Variants in POPDC2 observed in about 807,000 individuals in gnomAD.
POPDC2 encodes the protein popeye domain cAMP effector 2.
Under a neutral mutation model 30.5 loss-of-function variants are expected in POPDC2, and 24 were observed. The ratio of observed to expected loss-of-function variants is 0.79; its 90% CI spans 0.57 to 1.11. The LOEUF is 1.11. Among genes scored for constraint, POPDC2 ranks in the 50% least tolerant of loss-of-function variants. The pLI is 0.00. For synonymous variants in POPDC2, 185 were observed against 183.3 expected (o/e 1.01, Z -0.07); for missense variants, 409 against 447.0 (o/e 0.91, Z 0.77).
At chr3:119,652,242 T>C (rs1560097721) in intron 2 of POPDC2, among the ~76,000 whole-genome samples, 1 of 152,198 alleles carries the variant, frequency 6.6e-6, no homozygotes, top group African/African-American at 2.4e-5. Flanking sequence ...ACACAATGAA[T>C]TCTGACTTAA....
chr3:119,645,281 G>C (rs2052732475), intron 3 of POPDC2, among the ~76,000 whole-genome samples: 1 of 152,200 alleles, frequency 6.6e-6, no homozygotes, highest in South Asian at 2.1e-4. Context: ...CCGCACTGTA[G>C]GCCGGGCGCA....
intron 2 of POPDC2, among the ~76,000 whole-genome samples, chr3:119,649,843 T>TC (rs2052789652): frequency 6.6e-6 from 1 of 152,066 alleles, no homozygotes; most frequent in African/African-American, 2.4e-5. Flanking sequence ...GCTATACCCC[T>TC]CCCCCACGTC....
At chr3:119,645,326 C>T (rs994202171) in intron 3 of POPDC2, among the ~76,000 whole-genome samples, 3 of 152,148 alleles carry the variant, frequency 2.0e-5, no homozygotes, top group Admixed American at 1.3e-4. Flanking sequence ...ACTTTGGGAG[C>T]CCGAGGCGGG....
intron 2 of POPDC2, among the ~76,000 whole-genome samples, chr3:119,649,077 AT>A (rs1472142285): frequency 6.6e-6 from 1 of 152,222 alleles, no homozygotes; most frequent in Non-Finnish European, 1.5e-5. Flanking sequence ...ACAACTATTC[AT>A]TTTAAGAATG....
At chr3:119,652,150 A>G (rs1385874042) in intron 2 of POPDC2, among the ~76,000 whole-genome samples, 2 of 152,176 alleles carry the variant, frequency 1.3e-5, no homozygotes, top group Non-Finnish European at 2.9e-5. Flanking sequence ...GATAGGATGC[A>G]AATTAGAAAA....
At chr3:119,649,111 A>T (rs1321364931) in intron 2 of POPDC2, among the ~76,000 whole-genome samples, 5 of 152,224 alleles carry the variant, frequency 3.3e-5, no homozygotes, top group Non-Finnish European at 2.9e-5. Context: ...ATATTGGGGT[A>T]GGGACATAAA....
At chr3:119,644,995 ATTTGATCATGT>A (rs1452969446) in intron 3 of POPDC2, among the ~76,000 whole-genome samples, 2 of 152,236 alleles carry the variant, frequency 1.3e-5, no homozygotes, top group Admixed American at 6.5e-5. Context: ...AGTTTGGCTA[ATTTGATCATGT>A]TTTCAAGTTG....
intron 1 of POPDC2, among the ~76,000 whole-genome samples, chr3:119,658,497 C>T (rs764922639): frequency 2.0e-5 from 3 of 152,234 alleles, no homozygotes; most frequent in Non-Finnish European, 2.9e-5. Flanking sequence ...GGAGGGAGCA[C>T]TTCTGCTGCT....
rs760389171 is a variant in POPDC2 at position 119,642,511 on chromosome 3, C to G, written c.*94G>C. 4.3e-6 allele frequency: 7 copies of G among 1,612,918 alleles called. No individual in the cohort carries two copies. Among genetic ancestry groups the G allele is most frequent in the Non-Finnish European group, 5.9e-6 (7 of 1,179,092 alleles). On this transcript the variant is annotated 3_prime_UTR_variant, in exon 4 of 4. Transcript: ENST00000493094. ...GGCGTGTGGGTTGGAGCCAAAGGGGCCTGTCCCCTGGATATAACTTGAGAG... is the reference window on the plus strand; with the variant it reads ...GGCGTGTGGGTTGGAGCCAAAGGGGGCTGTCCCCTGGATATAACTTGAGAG...
intron 2 of POPDC2, among the ~76,000 whole-genome samples, chr3:119,652,364 T>A (rs941409988): frequency 2.6e-5 from 4 of 152,240 alleles, no homozygotes; most frequent in Admixed American, 6.5e-5. Flanking sequence ...GACTATGTAA[T>A]TGCAAAAGGC....
chr3:119,656,165 T>C (rs748735252), intron 1 of POPDC2, among the ~76,000 whole-genome samples: 1 of 152,208 alleles, frequency 6.6e-6, no homozygotes, highest in South Asian at 2.1e-4. Context: ...CAATTGGCTA[T>C]AGAGAAAATA....
intron 1 of POPDC2, among the ~76,000 whole-genome samples, chr3:119,657,702 G>A (rs1347622835): frequency 1.3e-5 from 2 of 152,218 alleles, no homozygotes; most frequent in African/African-American, 4.8e-5. Flanking sequence ...AGTGACAACC[G>A]TAGAGTGTAG....
At chr3:119,657,572 G>A (rs955049763) in intron 1 of POPDC2, among the ~76,000 whole-genome samples, 1 of 152,162 alleles carries the variant, frequency 6.6e-6, no homozygotes, top group Non-Finnish European at 1.5e-5. Context: ...CATAAAAGGG[G>A]ATCAAAACCT....
chr3:119,643,536 T>A (rs950348460), intron 3 of POPDC2: 1 of 927,586 alleles, frequency 1.1e-6, no homozygotes, highest in Non-Finnish European at 1.7e-6. Flanking sequence ...CACATTTAAC[T>A]AGTGCTTCAG....
At chr3:119,646,253 T>A (rs1020422160) in intron 3 of POPDC2, among the ~76,000 whole-genome samples, 1 of 151,892 alleles carries the variant, frequency 6.6e-6, no homozygotes, top group Non-Finnish European at 1.5e-5. Flanking sequence ...GAGAGATAAA[T>A]ATATGAACAA....
chr3:119,646,990 C>T (rs1195423932), intron 3 of POPDC2, among the ~76,000 whole-genome samples: 2 of 152,198 alleles, frequency 1.3e-5, no homozygotes, highest in Non-Finnish European at 2.9e-5. Flanking sequence ...GGAATTACCT[C>T]AGAATGAGCT....
chr3:119,644,414 T>C (rs1312173886), intron 3 of POPDC2, among the ~76,000 whole-genome samples: 1 of 152,200 alleles, frequency 6.6e-6, no homozygotes, highest in Non-Finnish European at 1.5e-5. Context: ...GGCCATCGAA[T>C]TAAACAGAAA....
Position 119,648,255 on chromosome 3 carries a change from C to G in POPDC2, c.1014G>C (p.Glu338Asp), listed in dbSNP as rs1384829835. 4 of 1,613,054 alleles carry G rather than the reference C, an allele frequency of 2.5e-6. No individual in the cohort carries two copies. Among genetic ancestry groups the G allele is most frequent in the Non-Finnish European group, 3.4e-6 (4 of 1,179,568 alleles). Reference sequence around the variant, plus strand: ...CCTCCAGCACCAGACTGGTGGAGTCCTCACCCAGTATGCCACTGTCTGGCC... The same window carrying G: ...CCTCCAGCACCAGACTGGTGGAGTCGTCACCCAGTATGCCACTGTCTGGCC... ...LSRPDSGILGEDSTSLVLEDF... is the reference protein window; with the variant it reads ...LSRPDSGILGDDSTSLVLEDF... The change falls in exon 3 of 4, where the codon GAG becomes GAC. Residue 338 changes from glutamate (E) to aspartate (D), a missense_variant. Glu to Asp is a conservative substitution (Grantham distance 45, BLOSUM62 2). Coordinates refer to ENST00000493094, the MANE Select transcript of POPDC2 (RefSeq NM_001369919.2).
intron 1 of POPDC2, among the ~76,000 whole-genome samples, chr3:119,658,927 T>C (rs975573432): frequency 6.6e-6 from 1 of 151,988 alleles, no homozygotes; most frequent in Non-Finnish European, 1.5e-5. Context: ...TTTTTTTTTT[T>C]TTTTTTCTTG....
Sources: allele counts gnomAD v4.1 joint callset (sites outside exome capture counted in the v4.1 genomes callset), GRCh38; gene constraint gnomAD v4.1.1; transcripts MANE v1.5; gene names NCBI Gene and HGNC (gene_info 2026-07-23, HGNC 2026-07-21).